Variants in SSU72 observed in about 807,000 individuals in gnomAD.
The protein encoded by SSU72 is SSU72 homolog, RNA polymerase II CTD phosphatase.
A neutral mutation model predicts 22.7 loss-of-function variants in SSU72; 12 were observed. That is an observed-to-expected ratio of 0.53 (90% confidence interval 0.34 to 0.86). The LOEUF is 0.86. SSU72 is among the 40% of genes least tolerant of loss of function. SSU72 has a pLI of 0.02. For synonymous variants in SSU72, 116 were observed against 98.3 expected, an observed-to-expected ratio of 1.18 and a Z score of -1.06; for missense variants, 151 against 249.8, an observed-to-expected ratio of 0.60 and a Z score of 2.67.
In SSU72 at chr1:1,574,473, A is replaced by C. The variant is rs1389592224; in HGVS notation, c.80+5T>G. On this transcript the variant is annotated splice_donor_5th_base_variant and intron_variant, in intron 1 of 4. Coordinates refer to ENST00000291386, the MANE Select transcript of SSU72 (RefSeq NM_014188.3). ...GCGCGCGGGGACAGGGTGGAGCCCA[A>C]CTACCTGAGGATGTTGTGCGCCTCC... is the stretch of plus-strand genomic sequence containing the variant. 2.4e-5 allele frequency: 38 copies of C among 1,593,886 alleles called. No individual in the cohort carries two copies. Among genetic ancestry groups the C allele is most frequent in the Non-Finnish European group, 3.2e-5 (37 of 1,172,448 alleles).
At chr1:1,567,480 C>T (rs1361023515) in intron 1 of SSU72, among the ~76,000 whole-genome samples, 3 of 152,178 alleles carry the variant, frequency 2.0e-5, no homozygotes, top group Admixed American at 6.6e-5. Flanking sequence ...TCCTGACATT[C>T]AGTCATAACC....
intron 1 of SSU72, 129 bp downstream of exon 1, chr1:1,574,349 A>C: frequency 2.1e-6 from 2 of 969,046 alleles, no homozygotes; most frequent in East Asian, 6.5e-5. Context: ...CATCCCAACC[A>C]GCCGACCCAC....
intron 2 of SSU72, chr1:1,562,172 T>A (rs932693857): frequency 6.6e-6 from 1 of 152,244 alleles, no homozygotes; most frequent in Non-Finnish European, 1.5e-5. Context: ...ACTTCCCAGG[T>A]CTGGAACCCA....
Position 1,574,821 on chromosome 1 carries a change from C to G in SSU72, c.-264G>C. 1 of 264,314 alleles carries G rather than the reference C, an allele frequency of 3.8e-6. No homozygotes were observed. The highest frequency in any genetic ancestry group is 3.1e-5 in the South Asian group (1 of 31,862). The allele number at this position is 264,314 out of a possible 1,614,324, so 16.4% of individuals were successfully genotyped here. ...CAACGCCGCGCCGGCCCCCGGCGTC[C>G]GCAGCAGAGACCCGCACTCCACAAG... On this transcript the variant is annotated 5_prime_UTR_variant, in exon 1 of 5. Transcript: ENST00000291386.
intron 2 of SSU72, chr1:1,546,487 A>G (rs903522253): frequency 6.6e-6 from 1 of 152,192 alleles, no homozygotes; most frequent in Non-Finnish European, 1.5e-5. Flanking sequence ...CTGAGAATCA[A>G]AGTCTGCGGA....
At chr1:1,564,713 C>T (rs575403187) in intron 2 of SSU72, 60 bp downstream of exon 2, 45 of 1,614,196 alleles carry the variant, frequency 2.8e-5, no homozygotes, top group South Asian at 2.7e-4. Context: ...CCGAGCCACA[C>T]GTAACACCTT....
chr1:1,546,860 CA>C lies in SSU72; in HGVS notation c.225-1859del, dbSNP rs1169308811. Reference sequence around the variant, plus strand: ...TCCTTCTGGAAAACAACAACAACAACAAAAAAAAAAAAAAAAAAAAAAAAGG... The same window carrying C: ...TCCTTCTGGAAAACAACAACAACAACAAAAAAAAAAAAAAAAAAAAAAAGG... On this transcript the variant is annotated intron_variant, in intron 2 of 4. Coordinates refer to ENST00000291386, the MANE Select transcript of SSU72 (RefSeq NM_014188.3). Among the ~76,000 whole-genome samples, 135 of 75,148 alleles carry C rather than the reference CA, an allele frequency of 1.8e-3. 1 individual carries two copies. Among genetic ancestry groups the C allele is most frequent in the South Asian group, 0.018 (31 of 1,740 alleles). 49.3% of individuals were successfully genotyped at this position (75,148 alleles called of 152,430 possible). A position where few individuals can be genotyped will look rare whatever the true frequency, so the allele number is the denominator to read the frequency against.
At chr1:1,558,884 A>T (rs1642551443) in intron 2 of SSU72, among the ~76,000 whole-genome samples, 1 of 152,212 alleles carries the variant, frequency 6.6e-6, no homozygotes, top group African/African-American at 2.4e-5. Context: ...CTAACTTAGA[A>T]ACAGAAGTCA....
rs766948575 is a variant in SSU72 at position 1,554,731 on chromosome 1, G to A, written c.225-9729C>T. ...ACCAGGGACCGCACTCTCCCACCAC[G>A]GCCTGGGAAAAAGCCATGTCAGGTG... On this transcript the variant is annotated intron_variant, in intron 2 of 4. Coordinates refer to ENST00000291386, the MANE Select transcript of SSU72 (RefSeq NM_014188.3). This position sits in a 1 kb window ranked among gnomAD's most constrained non-coding sequence, Gnocchi z 4.1. 9.9e-5 allele frequency among the ~76,000 whole-genome samples: 15 copies of A among 152,172 alleles called. No individual in the cohort carries two copies. Among genetic ancestry groups the A allele is most frequent in the East Asian group, 1.9e-4 (1 of 5,172 alleles).
At position 1,547,944 on chromosome 1, in the gene SSU72, A is replaced by G. The variant is rs187598846; in HGVS notation, c.225-2942T>C. 2.8e-4 allele frequency among the ~76,000 whole-genome samples: 43 copies of G among 152,312 alleles called. No individual in the cohort carries two copies. In the East Asian group the frequency reaches 8.1e-3, roughly 29 times the overall value. ...GCAAAGCGTTCGACATTGAACCCAC[A>G]AAGAAAGAAACCAAAGACTCAGCCC... On this transcript the variant is annotated intron_variant, in intron 2 of 4. Transcript: ENST00000291386.
intron 1 of SSU72, among the ~76,000 whole-genome samples, chr1:1,568,613 C>G (rs1642690756): frequency 6.6e-6 from 1 of 151,674 alleles, no homozygotes; most frequent in Non-Finnish European, 1.5e-5. Flanking sequence ...CTCAAAAAAA[C>G]TCCAAAAAAC....
chr1:1,549,604 C>T (rs920761883), intron 2 of SSU72, among the ~76,000 whole-genome samples: 3 of 151,416 alleles, frequency 2.0e-5, no homozygotes, highest in Non-Finnish European at 2.9e-5. Flanking sequence ...TTTGGGAGGC[C>T]GAGGCGGATG....
chr1:1,554,554 C>A lies in SSU72; in HGVS notation c.225-9552G>T, dbSNP rs889253575. 1.3e-5 allele frequency among the ~76,000 whole-genome samples: 2 copies of A among 152,198 alleles called. No individual in the cohort carries two copies. Among genetic ancestry groups the A allele is most frequent in the African/African-American group, 4.8e-5 (2 of 41,454 alleles). The stretch of plus-strand genomic sequence containing the variant: ...GTTTTCTCTTTTCACTCCCTAGGGG[C>A]CTTAGTGGGACCAGAACATCCCGGG... On this transcript the variant is annotated intron_variant, in intron 2 of 4. Coordinates refer to ENST00000291386, the MANE Select transcript of SSU72 (RefSeq NM_014188.3). This position sits in a 1 kb window ranked among gnomAD's most constrained non-coding sequence, Gnocchi z 4.1.
intron 1 of SSU72, among the ~76,000 whole-genome samples, chr1:1,569,218 G>C (rs1450657622): frequency 6.6e-6 from 1 of 151,788 alleles, no homozygotes; most frequent in Non-Finnish European, 1.5e-5. Flanking sequence ...AAAACAAAAA[G>C]CCACAAAACA....
intron 2 of SSU72, among the ~76,000 whole-genome samples, chr1:1,556,640 GC>G (rs1360826695): frequency 6.6e-6 from 1 of 152,212 alleles, no homozygotes; most frequent in African/African-American, 2.4e-5. Context: ...AGGTCTCATG[GC>G]CATCTCTGGA....
At chr1:1,566,310 T>C (rs1407573634) in intron 1 of SSU72, among the ~76,000 whole-genome samples, 1 of 152,170 alleles carries the variant, frequency 6.6e-6, no homozygotes, top group Non-Finnish European at 1.5e-5. Flanking sequence ...CATGTGTTCT[T>C]GTAAAGTCAC....
chr1:1,556,123 C>A (rs983347385), intron 2 of SSU72, among the ~76,000 whole-genome samples: 4 of 151,812 alleles, frequency 2.6e-5, no homozygotes, highest in Non-Finnish European at 5.9e-5. Flanking sequence ...TGGCAAAACC[C>A]CATCTCTACA....
chr1:1,567,682 C>T lies in SSU72; in HGVS notation c.81-2766G>A, dbSNP rs373280934. On this transcript the variant is annotated intron_variant, in intron 1 of 4. Coordinates refer to ENST00000291386, the MANE Select transcript of SSU72 (RefSeq NM_014188.3). ...GTTCCGTCAAAGCACAAACAAGGGC[C>T]GGACGCGGTGGCTCACTTGAGGTCA... Among the ~76,000 whole-genome samples, 5 of 152,022 alleles carry T rather than the reference C, an allele frequency of 3.3e-5. No individual in the cohort carries two copies. The East Asian group carries it at 5.8e-4, about 18-fold the overall frequency.
At chr1:1,565,421 T>C (rs1642647957) in intron 1 of SSU72, among the ~76,000 whole-genome samples, 1 of 152,170 alleles carries the variant, frequency 6.6e-6, no homozygotes, top group Non-Finnish European at 1.5e-5. Context: ...CATCTGAACA[T>C]CATAGCTTGT....
Sources: gnomAD v4.1 joint callset for allele counts (sites outside exome capture counted in the v4.1 genomes callset) on GRCh38, gnomAD v4.1.1 for gene constraint, Gnocchi (gnomAD v3.1) non-coding constraint, MANE v1.5 for transcripts, NCBI Gene and HGNC (gene_info 2026-07-23, HGNC 2026-07-21) for gene names.